CCSER2: variants seen among roughly 807,000 people sequenced by gnomAD.
CCSER2 encodes serine-rich coiled-coil domain-containing protein 2.
CCSER2 carries 46 observed loss-of-function variants against 92.3 expected under a neutral mutation model. The ratio of observed to expected loss-of-function variants is 0.50; its 90% confidence interval spans 0.39 to 0.64. The LOEUF (loss-of-function observed/expected upper bound fraction) is 0.64. Ranked by LOEUF, CCSER2 falls within the 30% of genes least tolerant of loss-of-function variation. CCSER2 has a pLI of 0.00. For synonymous variants in CCSER2, 433 were observed against 431.4 expected (o/e 1.00, Z -0.04); for missense variants, 1,244 against 1,238.9 (o/e 1.00, Z -0.06).
intron 9 of CCSER2, among the ~76,000 whole-genome samples, chr10:84,489,836 G>A (rs146342680): frequency 5.3e-5 from 8 of 152,302 alleles, no homozygotes; most frequent in African/African-American, 1.4e-4. Flanking sequence ...TCCTAGCATC[G>A]TTGGTGTTTA....
rs1322302915 is a variant in CCSER2 at position 84,328,663 on chromosome 10, G to C, written c.-185G>C. ...TCCGGCGCTCCCTCAGGCCGCGGAC[G>C]CGATGCTGGTTGCTGCGGCTCGGGC... On this transcript the variant is annotated 5_prime_UTR_variant, in exon 1 of 10. Coordinates refer to ENST00000372088, the MANE Select transcript of CCSER2 (RefSeq NM_001284240.2). 1 of 151,306 alleles carries C rather than the reference G, an allele frequency of 6.6e-6. No individual in the cohort carries two copies. Among genetic ancestry groups the C allele is most frequent in the East Asian group, 1.9e-4 (1 of 5,158 alleles). 9.4% of individuals were successfully genotyped at this position (151,306 alleles called of 1,614,324 possible). A position where few individuals can be genotyped will look rare whatever the true frequency, so the allele number is the denominator to read the frequency against.
intron 6 of CCSER2, among the ~76,000 whole-genome samples, chr10:84,457,649 AATTATATT>A (rs1845843479): frequency 9.1e-6 from 1 of 110,004 alleles, no homozygotes; most frequent in Non-Finnish European, 1.7e-5. Context: ...AATTATATAT[AATTATATT>A]ATTTTTAATT....
intron 3 of CCSER2, among the ~76,000 whole-genome samples, chr10:84,378,816 TCC>T: frequency 6.6e-6 from 1 of 152,144 alleles, no homozygotes; most frequent in African/African-American, 2.4e-5. Context: ...GAAGTAATCC[TCC>T]TCCCACAGTC....
At chr10:84,342,275 G>T (rs968554748) in intron 1 of CCSER2, among the ~76,000 whole-genome samples, 2 of 152,126 alleles carry the variant, frequency 1.3e-5, no homozygotes, top group Non-Finnish European at 2.9e-5. Context: ...AATGTGTATG[G>T]GATATGATAT....
At chr10:84,357,741 C>T (rs1343802918) in intron 1 of CCSER2, among the ~76,000 whole-genome samples, 3 of 152,120 alleles carry the variant, frequency 2.0e-5, no homozygotes, top group Admixed American at 6.5e-5. Context: ...TGAGCCACCG[C>T]GCTCGGCCAT....
intron 9 of CCSER2, among the ~76,000 whole-genome samples, chr10:84,477,944 T>C (rs528214541): frequency 6.6e-6 from 1 of 152,222 alleles, no homozygotes; most frequent in Non-Finnish European, 1.5e-5. Context: ...GCATGATTTA[T>C]GAGAGTAGTT....
chr10:84,437,130 TAC>T (rs141781493), intron 5 of CCSER2, among the ~76,000 whole-genome samples: 31,037 of 147,272 alleles, frequency 0.21, 5,478 homozygotes, highest in African/African-American at 0.49. Flanking sequence ...GCCAACCAAA[TAC>T]ACACACACAC....
chr10:84,432,035 A>C (rs1473704957), intron 5 of CCSER2, among the ~76,000 whole-genome samples: 2 of 152,054 alleles, frequency 1.3e-5, no homozygotes, highest in Non-Finnish European at 2.9e-5. Flanking sequence ...ATGAATGAGA[A>C]CTTCTGTTGC....
At chr10:84,386,214 T>C (rs1272801978) in intron 3 of CCSER2, among the ~76,000 whole-genome samples, 1 of 152,222 alleles carries the variant, frequency 6.6e-6, no homozygotes, top group Non-Finnish European at 1.5e-5. Flanking sequence ...GAATTACCAT[T>C]TGATCCAGCA....
intron 3 of CCSER2, among the ~76,000 whole-genome samples, chr10:84,399,026 A>G (rs1841982174): frequency 6.6e-6 from 1 of 152,190 alleles, no homozygotes; most frequent in South Asian, 2.1e-4. Context: ...ATTTTCCAGA[A>G]AGATTTTTTA....
chr10:84,408,566 TC>T (rs1842485546), intron 3 of CCSER2, among the ~76,000 whole-genome samples: 1 of 152,152 alleles, frequency 6.6e-6, no homozygotes, highest in African/African-American at 2.4e-5. Flanking sequence ...GTAGGCTCAC[TC>T]CCATTCTTTG....
chr10:84,332,413 TATA>T (rs1251737878), intron 1 of CCSER2, among the ~76,000 whole-genome samples: 3 of 79,002 alleles, frequency 3.8e-5, no homozygotes, highest in African/African-American at 1.3e-4. Flanking sequence ...TTTATTTTTT[TATA>T]TATATATATA....
chr10:84,423,062 A>C (rs1820262641), intron 4 of CCSER2, among the ~76,000 whole-genome samples: 1 of 152,138 alleles, frequency 6.6e-6, no homozygotes, highest in Non-Finnish European at 1.5e-5. Context: ...CTCAAAAAAA[A>C]AAAAAAAATT....
intron 3 of CCSER2, among the ~76,000 whole-genome samples, chr10:84,406,392 C>G (rs998874123): frequency 6.6e-6 from 1 of 152,118 alleles, no homozygotes; most frequent in African/African-American, 2.4e-5. Flanking sequence ...CTATACCCCC[C>G]AAAATTAATT....
intron 4 of CCSER2, chr10:84,425,159 G>A: frequency 1.0e-6 from 1 of 985,262 alleles, no homozygotes; most frequent in Non-Finnish European, 1.2e-6. Flanking sequence ...TTTGTTTTCA[G>A]TGGCATTTTA....
At chr10:84,498,554 CAAAG>C (rs1331118444) in intron 9 of CCSER2, among the ~76,000 whole-genome samples, 2 of 151,728 alleles carry the variant, frequency 1.3e-5, no homozygotes, top group African/African-American at 4.8e-5. Flanking sequence ...ATACCTGAGT[CAAAG>C]AATGTTGATA....
chr10:84,377,489 A>T (rs866734837), intron 3 of CCSER2, among the ~76,000 whole-genome samples: 1 of 152,198 alleles, frequency 6.6e-6, no homozygotes, highest in African/African-American at 2.4e-5. Flanking sequence ...TTGCATAGAC[A>T]AATATTTCTG....
chr10:84,407,332 T>C (rs1842428929), intron 3 of CCSER2, among the ~76,000 whole-genome samples: 1 of 152,212 alleles, frequency 6.6e-6, no homozygotes, highest in Admixed American at 6.5e-5. Flanking sequence ...GACTTTCCTT[T>C]TTTTGTTTTG....
intron 1 of CCSER2, among the ~76,000 whole-genome samples, chr10:84,370,477 G>T (rs1480443403): frequency 6.6e-6 from 1 of 152,040 alleles, no homozygotes; most frequent in Non-Finnish European, 1.5e-5. Flanking sequence ...TTTGCAACCT[G>T]TGACTTTACT....
Sources: gnomAD v4.1 joint callset for allele counts (sites outside exome capture counted in the v4.1 genomes callset) on GRCh38, gnomAD v4.1.1 for gene constraint, MANE v1.5 for transcripts, NCBI Gene and HGNC (gene_info 2026-07-23, HGNC 2026-07-21) for gene names.